Variants in KCNQ3 observed in about 807,000 individuals in gnomAD.
KCNQ3 encodes potassium voltage-gated channel subfamily KQT member 3.
In KCNQ3, 30 loss-of-function variants were observed where a neutral mutation model predicts 92.5. The ratio of observed to expected loss-of-function variants is 0.32; its 90% CI spans 0.24 to 0.44. The LOEUF (loss-of-function observed/expected upper bound fraction) is 0.44. Among genes scored for constraint, KCNQ3 ranks in the 20% least tolerant of loss-of-function variants. KCNQ3 has a pLI of 1.00. For synonymous variants in KCNQ3, 450 were observed against 468.8 expected (o/e 0.96, Z 0.52); for missense variants, 913 against 1,140.3 (o/e 0.80, Z 2.87).
At chr8:132,199,739 G>A (rs1267695380) in intron 1 of KCNQ3, among the ~76,000 whole-genome samples, 1 of 152,110 alleles carries the variant, frequency 6.6e-6, no homozygotes, top group African/African-American at 2.4e-5. Context: ...TTGAAACACT[G>A]TCTCTACTAA....
intron 1 of KCNQ3, among the ~76,000 whole-genome samples, chr8:132,469,231 G>A (rs1047120084): frequency 2.0e-5 from 3 of 152,216 alleles, no homozygotes; most frequent in African/African-American, 4.8e-5. Context: ...ATCAGGTGAT[G>A]CAACATAAAC....
intron 1 of KCNQ3, among the ~76,000 whole-genome samples, chr8:132,350,974 G>A (rs10098077): frequency 0.24 from 36,438 of 151,902 alleles, 4,829 homozygotes; most frequent in East Asian, 0.42. Flanking sequence ...AGGTAGCGAC[G>A]CTTCACCCAC....
intron 1 of KCNQ3, among the ~76,000 whole-genome samples, chr8:132,300,453 C>T (rs1235943739): frequency 2.6e-5 from 4 of 152,168 alleles, no homozygotes; most frequent in Admixed American, 2.6e-4. Context: ...TTGCAGTTTT[C>T]GTTGGCTGTC....
chr8:132,440,472 A>T (rs1403320540), intron 1 of KCNQ3, among the ~76,000 whole-genome samples: 2 of 152,132 alleles, frequency 1.3e-5, no homozygotes, highest in Non-Finnish European at 2.9e-5. Flanking sequence ...CTCTGTGTCC[A>T]AGCCCAGAGC....
At chr8:132,435,651 C>T (rs1379866929) in intron 1 of KCNQ3, among the ~76,000 whole-genome samples, 2 of 152,070 alleles carry the variant, frequency 1.3e-5, no homozygotes, top group African/African-American at 2.4e-5. Flanking sequence ...AAGGAAGTAG[C>T]GAGAGAGCAA....
intron 1 of KCNQ3, among the ~76,000 whole-genome samples, chr8:132,187,738 A>ATGG (rs1367997864): frequency 1.6e-5 from 2 of 126,022 alleles, no homozygotes; most frequent in African/African-American, 3.2e-5. Context: ...GATAGTGATG[A>ATGG]TGGTGGTGGT....
At chr8:132,398,140 A>G (rs990222861) in intron 1 of KCNQ3, among the ~76,000 whole-genome samples, 2 of 152,138 alleles carry the variant, frequency 1.3e-5, no homozygotes, top group African/African-American at 2.4e-5. Flanking sequence ...TTTTAGAGAA[A>G]CCTTTTGGTT....
intron 1 of KCNQ3, among the ~76,000 whole-genome samples, chr8:132,367,506 A>T (rs943539451): frequency 6.6e-6 from 1 of 152,260 alleles, no homozygotes; most frequent in African/African-American, 2.4e-5. Context: ...AGCATAAAAG[A>T]ATAATACTAG....
At chr8:132,457,349 C>T (rs566539587) in intron 1 of KCNQ3, among the ~76,000 whole-genome samples, 2 of 152,296 alleles carry the variant, frequency 1.3e-5, no homozygotes, top group Admixed American at 6.5e-5. Flanking sequence ...AGGTTTCTTG[C>T]CTAAGGTAAC....
chr8:132,467,741 T>C (rs1367698465), intron 1 of KCNQ3, among the ~76,000 whole-genome samples: 3 of 152,228 alleles, frequency 2.0e-5, no homozygotes, highest in Admixed American at 6.5e-5. Context: ...CAAATATCCC[T>C]AGCTTTTCTG....
At chr8:132,304,025 T>G (rs1023399460) in intron 1 of KCNQ3, among the ~76,000 whole-genome samples, 1 of 152,032 alleles carries the variant, frequency 6.6e-6, no homozygotes, top group Admixed American at 6.6e-5. Flanking sequence ...CTGGAGGCCA[T>G]TATCTTAAGT....
chr8:132,209,023 G>A (rs553819432), intron 1 of KCNQ3, among the ~76,000 whole-genome samples: 4 of 152,108 alleles, frequency 2.6e-5, no homozygotes, highest in Non-Finnish European at 4.4e-5. Flanking sequence ...CTCAGCACAG[G>A]CCCCAGGGGT....
chr8:132,151,709 C>A (rs1825641031), intron 9 of KCNQ3, among the ~76,000 whole-genome samples: 1 of 152,106 alleles, frequency 6.6e-6, no homozygotes, highest in African/African-American at 2.4e-5. Context: ...GTGTTTTAAG[C>A]CTCTAACATA....
intron 1 of KCNQ3, among the ~76,000 whole-genome samples, chr8:132,322,295 C>T (rs949346535): frequency 1.3e-5 from 2 of 152,098 alleles, no homozygotes; most frequent in Admixed American, 6.5e-5. Flanking sequence ...TATGCAAATG[C>T]CCCAGAGAGT....
chr8:132,458,463 T>C (rs958842302), intron 1 of KCNQ3, among the ~76,000 whole-genome samples: 1 of 152,244 alleles, frequency 6.6e-6, no homozygotes, highest in African/African-American at 2.4e-5. Context: ...AGTTTTCTTT[T>C]TTTCTTTTTG....
At chr8:132,167,116 C>T (rs370866720) in intron 8 of KCNQ3, among the ~76,000 whole-genome samples, 7 of 152,088 alleles carry the variant, frequency 4.6e-5, no homozygotes, top group Admixed American at 3.9e-4. Flanking sequence ...TTCTGATAGG[C>T]GCTACAACAC....
intron 1 of KCNQ3, among the ~76,000 whole-genome samples, chr8:132,437,897 C>T (rs964264898): frequency 6.6e-6 from 1 of 152,206 alleles, no homozygotes; most frequent in Non-Finnish European, 1.5e-5. Flanking sequence ...TTTGTAAGAA[C>T]ATTGCCCCAG....
intron 1 of KCNQ3, among the ~76,000 whole-genome samples, chr8:132,290,394 G>A (rs777648713): frequency 4.6e-5 from 7 of 152,150 alleles, no homozygotes; most frequent in East Asian, 1.9e-4. Context: ...CAAGAACAAC[G>A]AAACTCACTG....
chr8:132,480,668 C>A lies in KCNQ3; in HGVS notation c.-136G>T. On this transcript the variant is annotated 5_prime_UTR_variant, in exon 1 of 15. Transcript: ENST00000388996. The stretch of plus-strand genomic sequence containing the variant: ...AATGCCATGATCCGCGCGCCCCTCC[C>A]CACCCCCCCCCAAAAGCAGGCAAAG... 2.2e-6 allele frequency: 2 copies of A among 918,740 alleles called. No individual in the cohort carries two copies. Among genetic ancestry groups the A allele is most frequent in the South Asian group, 7.4e-5 (2 of 27,096 alleles). 56.9% of individuals were successfully genotyped at this position (918,740 alleles called of 1,614,324 possible).
Sources: allele counts gnomAD v4.1 joint callset (sites outside exome capture counted in the v4.1 genomes callset), GRCh38; gene constraint gnomAD v4.1.1; transcripts MANE v1.5; gene names NCBI Gene and HGNC (gene_info 2026-07-23, HGNC 2026-07-21).